Variants in RAP1GAP2 observed in about 807,000 individuals in gnomAD.
RAP1GAP2 encodes rap1 GTPase-activating protein 2.
In RAP1GAP2, 27 loss-of-function variants were observed where a neutral mutation model predicts 95.0. The observed-to-expected ratio is 0.28, with a 90% confidence interval of 0.21 to 0.39. The LOEUF is 0.39. RAP1GAP2 is among the 10% of genes least tolerant of loss of function. The pLI is 1.00. For missense variants in RAP1GAP2, 771 were observed against 970.0 expected (o/e 0.79, Z 2.72); for synonymous variants, 373 against 380.9 (o/e 0.98, Z 0.24).
chr17:2,871,949 C>T lies in RAP1GAP2; in HGVS notation c.81-33335C>T, dbSNP rs990287809. Among the ~76,000 whole-genome samples, 2 of 152,114 alleles carry T rather than the reference C, an allele frequency of 1.3e-5. No homozygotes were observed. The highest frequency in any genetic ancestry group is 1.9e-4 in the East Asian group (1 of 5,180). On this transcript the variant is annotated intron_variant, in intron 2 of 24. Coordinates refer to ENST00000254695, the MANE Select transcript of RAP1GAP2 (RefSeq NM_015085.5). This position sits in a 1 kb window ranked among gnomAD's most constrained non-coding sequence, Gnocchi z 5.0. ...CTTAAAATAGAATGATGAGGCCAGG[C>T]GTGGTGGCTCACGCCTGGAATCTCA...
Position 2,975,488 on chromosome 17 carries a change from A to C in RAP1GAP2, c.597-4799A>C, listed in dbSNP as rs181535064. Among the ~76,000 whole-genome samples, 6 of 152,354 alleles carry C rather than the reference A, an allele frequency of 3.9e-5. 1 individual carries two copies. In the East Asian group the frequency reaches 1.2e-3, roughly 29 times the overall value. ...ATATCAGACAAAATAGAATTTCAGG[A>C]CAAAAAGACTAGGGATAATGTACTC... On this transcript the variant is annotated intron_variant, in intron 8 of 24. Coordinates refer to ENST00000254695, the MANE Select transcript of RAP1GAP2 (RefSeq NM_015085.5).
rs1426782956 is a variant in RAP1GAP2 at position 2,991,360 on chromosome 17, C to T, written c.877C>T (p.Leu293=). The T allele has an allele frequency of 6.2e-7, 1 of 1,605,640 alleles. No homozygotes were observed. Among genetic ancestry groups the T allele is most frequent in the Non-Finnish European group, 8.5e-7 (1 of 1,176,244 alleles). Residue 293 remains leucine, a synonymous_variant, in exon 12 of 25, where the codon CTG becomes TTG. Coordinates refer to ENST00000254695, the MANE Select transcript of RAP1GAP2 (RefSeq NM_015085.5). The part of the protein sequence containing the change: ...ESPAFKEFLD[L]LGDTITLQDF... Reference sequence around the variant, plus strand: ...CCCAGCTTTTAAGGAGTTCTTGGACCTGCTGGGGGACACGATCACACTGCA... The same window carrying T: ...CCCAGCTTTTAAGGAGTTCTTGGACTTGCTGGGGGACACGATCACACTGCA...
chr17:2,981,257 C>A lies in RAP1GAP2; in HGVS notation c.729+9C>A. The A allele has an allele frequency of 6.2e-7, 1 of 1,604,124 alleles. No homozygotes were observed. Among genetic ancestry groups the A allele is most frequent in the East Asian group, 2.2e-5 (1 of 44,718 alleles). On this transcript the variant is annotated intron_variant, in intron 10 of 24. Coordinates refer to ENST00000254695, the MANE Select transcript of RAP1GAP2 (RefSeq NM_015085.5). Reference sequence around the variant, plus strand: ...CTGTCCTGTACCCCAAGGTAAGGACCTTCATGCTCCCAACATAGGGGCCCT... The same window carrying A: ...CTGTCCTGTACCCCAAGGTAAGGACATTCATGCTCCCAACATAGGGGCCCT...
intron 1 of RAP1GAP2, among the ~76,000 whole-genome samples, chr17:2,782,785 G>T (rs2068688372): frequency 6.6e-6 from 1 of 152,176 alleles, no homozygotes; most frequent in Non-Finnish European, 1.5e-5. Flanking sequence ...GGAGGCCAAG[G>T]TGAGTGGATC....
intron 2 of RAP1GAP2, among the ~76,000 whole-genome samples, chr17:2,885,843 G>A (rs2073476337): frequency 6.6e-6 from 1 of 152,168 alleles, no homozygotes; most frequent in Admixed American, 6.5e-5. Context: ...GGAGAATATC[G>A]CCGTGTCTGT....
At chr17:2,926,621 A>G (rs1437357310) in intron 3 of RAP1GAP2, among the ~76,000 whole-genome samples, 1 of 152,046 alleles carries the variant, frequency 6.6e-6, no homozygotes, top group Non-Finnish European at 1.5e-5. Context: ...ACAAATACCC[A>G]CACACTTAGT....
At chr17:2,774,083 G>C (rs1014573735), upstream of RAP1GAP2, among the ~76,000 whole-genome samples, 1 of 152,142 alleles carries the variant, frequency 6.6e-6, no homozygotes, top group Non-Finnish European at 1.5e-5. Context: ...TTTAACAGGG[G>C]TAAAGGATAA....
intron 22 of RAP1GAP2, among the ~76,000 whole-genome samples, chr17:3,028,373 C>G (rs1373109402): frequency 6.6e-6 from 1 of 152,040 alleles, no homozygotes; most frequent in Admixed American, 6.6e-5. Flanking sequence ...CTACTGGCAT[C>G]TAGTGGGCAG....
rs531330810 is a variant in RAP1GAP2, at chr17:2,903,850, C to T, written c.81-1434C>T. 3.9e-5 allele frequency among the ~76,000 whole-genome samples: 6 copies of T among 152,182 alleles called. No individual in the cohort carries two copies. In the East Asian group the frequency reaches 1.2e-3, roughly 30 times the overall value. On this transcript the variant is annotated intron_variant, in intron 2 of 24. Coordinates refer to ENST00000254695, the MANE Select transcript of RAP1GAP2 (RefSeq NM_015085.5). This position sits in a 1 kb window ranked among gnomAD's most constrained non-coding sequence, Gnocchi z 4.1. ...TCAGCCTGGTCCTGCTCCGTGGGCT[C>T]AGGGAGCCAGGCAGGATGGGGTCTG...
chr17:3,026,828 C>A, intron 21 of RAP1GAP2, 116 bp from the exon 22 acceptor site: 1 of 1,316,650 alleles, frequency 7.6e-7, no homozygotes, highest in Non-Finnish European at 1.0e-6. Flanking sequence ...AAAGAGCAGG[C>A]CCAAGTGGGG....
At chr17:2,960,843 C>A (rs763262987) in intron 4 of RAP1GAP2, among the ~76,000 whole-genome samples, 1 of 152,226 alleles carries the variant, frequency 6.6e-6, no homozygotes, top group Admixed American at 6.5e-5. Context: ...TACTGTCACC[C>A]GATTTTCTCA....
intron 3 of RAP1GAP2, among the ~76,000 whole-genome samples, chr17:2,956,963 C>G (rs1567821196): frequency 6.6e-6 from 1 of 152,044 alleles, no homozygotes; most frequent in Non-Finnish European, 1.5e-5. Flanking sequence ...CCCGTCTCTA[C>G]TAAAAATACA....
intron 2 of RAP1GAP2, among the ~76,000 whole-genome samples, chr17:2,894,582 C>T (rs2073825071): frequency 6.6e-6 from 1 of 152,094 alleles, no homozygotes; most frequent in Non-Finnish European, 1.5e-5. Context: ...ATTTGGGTGT[C>T]CCAGGGGCCC....
chr17:2,914,092 C>T lies in RAP1GAP2; in HGVS notation c.165+8724C>T, dbSNP rs548472197. Reference sequence around the variant, plus strand: ...TTCACCATGTTGGCCAGGATGGTCTCGAACTCCCAACCTCAAGTGATCCGC... The same window carrying T: ...TTCACCATGTTGGCCAGGATGGTCTTGAACTCCCAACCTCAAGTGATCCGC... On this transcript the variant is annotated intron_variant, in intron 3 of 24. Coordinates refer to ENST00000254695, the MANE Select transcript of RAP1GAP2 (RefSeq NM_015085.5). Among the ~76,000 whole-genome samples the T allele has an allele frequency of 5.3e-5, 8 of 152,132 alleles. No homozygotes were observed. In the East Asian group the frequency reaches 5.8e-4, roughly 11 times the overall value.
At chr17:2,960,986 C>T (rs879100295) in intron 4 of RAP1GAP2, among the ~76,000 whole-genome samples, 10 of 152,120 alleles carry the variant, frequency 6.6e-5, no homozygotes, top group Admixed American at 3.9e-4. Context: ...GAGGCTGAGG[C>T]GGGTGGATCA....
At chr17:2,919,202 A>G (rs1383311785) in intron 3 of RAP1GAP2, among the ~76,000 whole-genome samples, 5 of 152,174 alleles carry the variant, frequency 3.3e-5, no homozygotes, top group Non-Finnish European at 7.4e-5. Context: ...GGTCTTGGAA[A>G]AAGGCTAAAA....
At chr17:2,824,372 G>A (rs555773922) in intron 2 of RAP1GAP2, among the ~76,000 whole-genome samples, 16 of 151,134 alleles carry the variant, frequency 1.1e-4, no homozygotes, top group African/African-American at 3.2e-4. Flanking sequence ...ACTTGAACCC[G>A]GGAGGCGGAG....
chr17:2,829,658 C>T (rs1271776266), intron 2 of RAP1GAP2, among the ~76,000 whole-genome samples: 5 of 152,076 alleles, frequency 3.3e-5, no homozygotes, highest in African/African-American at 7.2e-5. Flanking sequence ...CCCTATACTC[C>T]GTGCTCTGTG....
intron 16 of RAP1GAP2, among the ~76,000 whole-genome samples, chr17:3,007,693 G>C: frequency 6.6e-6 from 1 of 152,184 alleles, no homozygotes; most frequent in Non-Finnish European, 1.5e-5. Context: ...TGGGTGCGTG[G>C]ATGTGGAGCT....
Sources: allele counts gnomAD v4.1 joint callset (sites outside exome capture counted in the v4.1 genomes callset), GRCh38; gene constraint gnomAD v4.1.1; non-coding constraint Gnocchi (gnomAD v3.1); transcripts MANE v1.5; gene names NCBI Gene and HGNC (gene_info 2026-07-23, HGNC 2026-07-21).